Variants in PLEK observed in about 807,000 individuals in gnomAD.
PLEK encodes platelet 47 kDa protein.
Under a neutral mutation model 43.9 loss-of-function variants are expected in PLEK, and 25 were observed. The ratio of observed to expected loss-of-function variants is 0.57; its 90% CI spans 0.41 to 0.79. The LOEUF is 0.79. Ranked by LOEUF, PLEK falls within the 30% of genes least tolerant of loss-of-function variation. PLEK has a pLI of 0.00. For synonymous variants in PLEK, 152 were observed against 144.4 expected (o/e 1.05, Z -0.38); for missense variants, 396 against 413.3 (o/e 0.96, Z 0.36).
chr2:68,395,793 A>G lies in PLEK; in HGVS notation c.1030A>G (p.Met344Val). The change falls in exon 9 of 9, where the codon ATG becomes GTG. Residue 344 changes from methionine (M) to valine (V), a missense_variant. Physicochemically the swap from Met to Val is conservative, Grantham distance 21. Coordinates refer to ENST00000234313, the MANE Select transcript of PLEK (RefSeq NM_002664.3). Reference sequence around the variant, plus strand: ...CACAGAGTGGATCAGAGCCATCCAGATGGCCTCCCGAACTGGGAAGTAAAG... The same window carrying G: ...CACAGAGTGGATCAGAGCCATCCAGGTGGCCTCCCGAACTGGGAAGTAAAG... ...ERTEWIRAIQMASRTGK is the reference protein window; with the variant it reads ...ERTEWIRAIQVASRTGK 6.2e-7 allele frequency: 1 copy of G among 1,613,768 alleles called. No individual in the cohort carries two copies.
At chr2:68,381,348 C>T (rs1161688614) in intron 3 of PLEK, among the ~76,000 whole-genome samples, 5 of 152,164 alleles carry the variant, frequency 3.3e-5, no homozygotes, top group African/African-American at 4.8e-5. Flanking sequence ...TGGTGGAAGC[C>T]ATTTATGTCC....
At chr2:68,380,581 C>G (rs7578296) in intron 2 of PLEK, 98 bp downstream of exon 2, 172,732 of 1,419,368 alleles carry the variant, frequency 0.12, 12,498 homozygotes, top group African/African-American at 0.31. Flanking sequence ...TTGGGCTGGT[C>G]CCTCTCACCA....
At chr2:68,382,788 G>A (rs905313084) in intron 4 of PLEK, among the ~76,000 whole-genome samples, 155 bp downstream of exon 4, 1 of 152,128 alleles carries the variant, frequency 6.6e-6, no homozygotes, top group African/African-American at 2.4e-5. Context: ...CCTACAGAGT[G>A]AAAATAGAAA....
Position 68,394,094 on chromosome 2 carries a change from CT to C in PLEK, c.847-10del. On this transcript the variant is annotated splice_polypyrimidine_tract_variant and intron_variant, in intron 7 of 8. Transcript: ENST00000234313. ...ATTTTGGAAACATAATGAACAACTC[CT>C]TTCTTCTTTAGGCAGAAGATCCCCT... 1 of 1,588,416 alleles carries C rather than the reference CT, an allele frequency of 6.3e-7. No individual in the cohort carries two copies. Among genetic ancestry groups the C allele is most frequent in the Non-Finnish European group, 8.6e-7 (1 of 1,156,764 alleles).
chr2:68,376,585 T>TATTA (rs55765012), intron 1 of PLEK, among the ~76,000 whole-genome samples: 79,478 of 151,374 alleles, frequency 0.53, 22,340 homozygotes, highest in East Asian at 0.76. Flanking sequence ...CAGTCTTATC[T>TATTA]ATTAATAATG....
chr2:68,396,210 T>C lies in PLEK; in HGVS notation c.*394T>C. On this transcript the variant is annotated 3_prime_UTR_variant, in exon 9 of 9. Coordinates refer to ENST00000234313, the MANE Select transcript of PLEK (RefSeq NM_002664.3). ...GCAGTAGTGATAGTGTATCTAGTTG[T>C]TCTGCTGGTGTCCTTCCTTGGCTAA... 5.7e-6 allele frequency: 1 copy of C among 174,858 alleles called. No individual in the cohort carries two copies. The highest frequency in any genetic ancestry group is 1.4e-4 in the East Asian group (1 of 6,986). The allele number at this position is 174,858 out of a possible 1,614,324, so 10.8% of individuals were successfully genotyped here.
intron 3 of PLEK, among the ~76,000 whole-genome samples, chr2:68,382,037 T>A (rs1465027715): frequency 1.3e-5 from 2 of 152,248 alleles, no homozygotes; most frequent in East Asian, 3.8e-4. Flanking sequence ...CTCACCATTT[T>A]GCCTTATATC....
chr2:68,373,863 T>A lies in PLEK; in HGVS notation c.43-6465T>A, dbSNP rs546990154. On this transcript the variant is annotated intron_variant, in intron 1 of 8. Transcript: ENST00000234313. ...TTCTTATTTCCAGGTATTTTTAAAA[T>A]TTTTTATTAAATAGATTTGTCTATG... is the stretch of plus-strand genomic sequence containing the variant. 3.9e-5 allele frequency among the ~76,000 whole-genome samples: 6 copies of A among 152,306 alleles called. No homozygotes were observed. The South Asian group carries it at 1.2e-3, about 32-fold the overall frequency.
rs1216040622 is a variant in PLEK at position 68,380,412 on chromosome 2, A to G, written c.127A>G (p.Ser43Gly). Reference protein sequence around the residue: ...IEFYKKKSDNSPKGMIPLKGS... With the variant: ...IEFYKKKSDNGPKGMIPLKGS... Reference sequence around the variant, plus strand: ...ATTCTATAAGAAGAAAAGTGACAACAGCCCCAAAGGAATGATCCCGCTGAA... The same window carrying G: ...ATTCTATAAGAAGAAAAGTGACAACGGCCCCAAAGGAATGATCCCGCTGAA... Residue 43 changes from serine to glycine, a missense_variant, in exon 2 of 9, where the codon AGC (serine) becomes GGC (glycine). By Grantham distance (56) the Ser-to-Gly change is moderately conservative. Transcript: ENST00000234313. The G allele has an allele frequency of 1.2e-6, 2 of 1,613,866 alleles. No homozygotes were observed. The highest frequency in any genetic ancestry group is 1.3e-5 in the African/African-American group (1 of 75,062).
At chr2:68,366,759 C>T (rs889325210) in intron 1 of PLEK, among the ~76,000 whole-genome samples, 2 of 152,232 alleles carry the variant, frequency 1.3e-5, no homozygotes, top group African/African-American at 2.4e-5. Context: ...TAATAATTGG[C>T]GAGACCTGGT....
intron 4 of PLEK, among the ~76,000 whole-genome samples, chr2:68,383,344 AG>A (rs1009653069): frequency 6.6e-5 from 10 of 152,212 alleles, no homozygotes; most frequent in African/African-American, 2.4e-4. Context: ...AACCAATTCC[AG>A]GGGTTCAAAA....
intron 1 of PLEK, among the ~76,000 whole-genome samples, chr2:68,377,687 G>T (rs945633799): frequency 6.6e-6 from 1 of 152,054 alleles, no homozygotes; most frequent in Non-Finnish European, 1.5e-5. Context: ...TTGTCAGATG[G>T]GTAGTTTGCA....
Position 68,386,078 on chromosome 2 carries a change from AT to A in PLEK, c.473-417del, listed in dbSNP as rs1279724465. Among the ~76,000 whole-genome samples, 72 of 149,348 alleles carry A rather than the reference AT, an allele frequency of 4.8e-4. No individual in the cohort carries two copies. The East Asian group carries it at 0.011, about 24-fold the overall frequency. On this transcript the variant is annotated intron_variant, in intron 4 of 8. Transcript: ENST00000234313. Reference sequence around the variant, plus strand: ...TTATTTTTTTATTTTTAAAGTTATTATTTTTTTATTTTATTTTTGTTTTTAT... The same window carrying A: ...TTATTTTTTTATTTTTAAAGTTATTATTTTTTATTTTATTTTTGTTTTTAT...
chr2:68,367,977 G>A (rs530940314), intron 1 of PLEK, among the ~76,000 whole-genome samples: 1 of 152,234 alleles, frequency 6.6e-6, no homozygotes, highest in African/African-American at 2.4e-5. Flanking sequence ...AGTTGTTTTG[G>A]GTGGAAAAAA....
chr2:68,395,880 T>C lies in PLEK; in HGVS notation c.*64T>C. The C allele has an allele frequency of 7.1e-7, 1 of 1,414,882 alleles. No individual in the cohort carries two copies. Among genetic ancestry groups the C allele is most frequent in the East Asian group, 2.3e-5 (1 of 43,332 alleles). The allele number at this position is 1,414,882 out of a possible 1,614,324, so 87.6% of individuals were successfully genotyped here. On this transcript the variant is annotated 3_prime_UTR_variant, in exon 9 of 9. Coordinates refer to ENST00000234313, the MANE Select transcript of PLEK (RefSeq NM_002664.3). ...CCATGGACAAGCTCAGTCCAGGACC[T>C]GTCCACTTCTGTGACAAATCAACGG...
At chr2:68,373,586 T>TA (rs60078267) in intron 1 of PLEK, among the ~76,000 whole-genome samples, 48 of 144,814 alleles carry the variant, frequency 3.3e-4, no homozygotes, top group Middle Eastern at 3.5e-3. Flanking sequence ...ATAAAGAAAA[T>TA]AAAAAAAAAA....
intron 1 of PLEK, among the ~76,000 whole-genome samples, chr2:68,365,915 T>C (rs919680113): frequency 3.3e-5 from 5 of 152,316 alleles, no homozygotes; most frequent in African/African-American, 1.2e-4. Context: ...CTTTTTTTAA[T>C]TGGGCTGAAA....
At chr2:68,375,279 C>A (rs72892092) in intron 1 of PLEK, among the ~76,000 whole-genome samples, 172 of 152,232 alleles carry the variant, frequency 1.1e-3, no homozygotes, top group African/African-American at 3.9e-3. Context: ...CTGCATTTTC[C>A]TGATAAATAA....
chr2:68,380,205 G>C lies in PLEK; in HGVS notation c.43-123G>C. On this transcript the variant is annotated intron_variant, in intron 1 of 8. Coordinates refer to ENST00000234313, the MANE Select transcript of PLEK (RefSeq NM_002664.3). Reference sequence around the variant, plus strand: ...TGAGAGGATTTGTGTTGAAGGAACAGAGATGATGTCACCAAACATTTTAAA... The same window carrying C: ...TGAGAGGATTTGTGTTGAAGGAACACAGATGATGTCACCAAACATTTTAAA... 4.1e-6 allele frequency: 3 copies of C among 728,602 alleles called. No homozygotes were observed. In the South Asian group the frequency reaches 6.0e-5, roughly 15 times the overall value. The allele number at this position is 728,602 out of a possible 1,614,324, so 45.1% of individuals were successfully genotyped here.
Sources: gnomAD v4.1 joint callset for allele counts (sites outside exome capture counted in the v4.1 genomes callset) on GRCh38, gnomAD v4.1.1 for gene constraint, MANE v1.5 for transcripts, NCBI Gene and HGNC (gene_info 2026-07-23, HGNC 2026-07-21) for gene names.